The following FBN3 variants were observed in gnomAD, a reference collection of about 807,000 sequenced individuals.
FBN3 encodes the protein fibrillin 3, also known as fibrillin-3.
FBN3 carries 234 observed loss-of-function variants against 330.1 expected under a neutral mutation model. The ratio of observed to expected loss-of-function variants is 0.71; its 90% CI spans 0.64 to 0.79. FBN3 has a LOEUF of 0.79. Ranked by LOEUF, FBN3 falls within the 30% of genes least tolerant of loss-of-function variation. FBN3 has a pLI of 0.00. For synonymous variants in FBN3, 1,458 were observed against 1,517.3 expected (o/e 0.96, Z 0.91); for missense variants, 3,606 against 3,886.9 (o/e 0.93, Z 1.92).
intron 22 of FBN3, among the ~76,000 whole-genome samples, chr19:8,125,545 C>A (rs1817604912): frequency 6.6e-6 from 1 of 152,154 alleles, no homozygotes; most frequent in South Asian, 2.1e-4. Context: ...AATCCCAACA[C>A]TTTGGGAGGC....
chr19:8,073,068 C>T lies in FBN3; in HGVS notation c.7932G>A (p.Gly2644=). The change falls in exon 62 of 64, where the codon GGG becomes GGA. Residue 2644 remains glycine (G), a synonymous_variant. Transcript: ENST00000600128. ...CGCPQGYFRA[G]QGHCVSGLGF... is the part of the protein sequence containing the mutation. The stretch of plus-strand genomic sequence containing the variant: ...GCCCCACTCCAGCCTCTCACCCTTG[C>T]CCAGCCCGGAAGTAGCCTTGAGGAC... 6.2e-7 allele frequency: 1 copy of T among 1,606,556 alleles called. No individual in the cohort carries two copies. The highest frequency in any genetic ancestry group is 8.5e-7 in the Non-Finnish European group (1 of 1,175,336).
chr19:8,081,163 G>T, intron 58 of FBN3, 44 bp from the exon 59 acceptor site: 2 of 1,562,234 alleles, frequency 1.3e-6, no homozygotes, highest in South Asian at 1.1e-5. Context: ...GGGCCCAGTG[G>T]GGGATTAGGG....
chr19:8,139,174 C>T (rs766445421), intron 8 of FBN3, among the ~76,000 whole-genome samples: 4 of 151,624 alleles, frequency 2.6e-5, no homozygotes, highest in Non-Finnish European at 4.4e-5. Flanking sequence ...TGACGAAACC[C>T]AGTCTCTACT....
chr19:8,135,936 G>GGGGGGGGGGGGGGGGGGGGCGCCC, intron 13 of FBN3, 25 bp downstream of exon 13: 1 of 668,778 alleles, frequency 1.5e-6, no homozygotes. Flanking sequence ...GGAAGCCCCT[G>GGGGGGGGGGGGGGGGGGGGCGCCC]CCCACCCGCC....
chr19:8,090,491 T>G (rs1428760402), intron 48 of FBN3, among the ~76,000 whole-genome samples: 9 of 150,430 alleles, frequency 6.0e-5, no homozygotes, highest in Non-Finnish European at 8.9e-5. Flanking sequence ...GTGGTGGTTT[T>G]TTTTTTTTTT....
At chr19:8,099,507 C>T (rs539102459) in intron 41 of FBN3, among the ~76,000 whole-genome samples, 60 of 151,050 alleles carry the variant, frequency 4.0e-4, no homozygotes, top group Admixed American at 1.6e-3. Flanking sequence ...GTCTCGATCT[C>T]CTGACCTCGT....
At chr19:8,142,829 G>A (rs1341910573) in intron 6 of FBN3, among the ~76,000 whole-genome samples, 3 of 125,526 alleles carry the variant, frequency 2.4e-5, no homozygotes, top group African/African-American at 6.3e-5. Flanking sequence ...GATGCCCCAA[G>A]CCAAAACGTA....
intron 6 of FBN3, among the ~76,000 whole-genome samples, chr19:8,143,910 T>C (rs1056427005): frequency 1.3e-5 from 2 of 151,566 alleles, no homozygotes; most frequent in Non-Finnish European, 2.9e-5. Flanking sequence ...CTTGAACTCC[T>C]GGGCTCATGC....
rs1342685071 is a variant in FBN3 at position 8,129,929 on chromosome 19, ACT to A, written c.2045-566_2045-565del. ...TTTTTTTTTTTTGAGATAGGGTCTC[ACT>A]CTGTCGCACAGGCTGGAGTGCAGTG... On this transcript the variant is annotated intron_variant, in intron 16 of 63. Transcript: ENST00000600128. This position sits in a 1 kb window ranked among gnomAD's most constrained non-coding sequence, Gnocchi z 4.5. 6.6e-6 allele frequency among the ~76,000 whole-genome samples: 1 copy of A among 151,158 alleles called. No homozygotes were observed. Among genetic ancestry groups the A allele is most frequent in the East Asian group, 2.0e-4 (1 of 5,060 alleles).
In FBN3 at chr19:8,089,555, G is replaced by A. The variant is rs779789037; in HGVS notation, c.6366C>T (p.Ile2122=). ...PFGYSLDFTG[I]NCVDTDECSV... is the part of the protein sequence containing the mutation. ...GGGCTGGCCACTCACCCACACAGTT[G>A]ATGCCAGTGAAGTCCAGGCTGTAGC... is the stretch of plus-strand genomic sequence containing the variant. Residue 2122 remains isoleucine (I), a synonymous_variant, in exon 51 of 64, where the codon ATC becomes ATT. Transcript: ENST00000600128. The A allele has an allele frequency of 6.2e-7, 1 of 1,614,058 alleles. No individual in the cohort carries two copies. Among genetic ancestry groups the A allele is most frequent in the African/African-American group, 1.3e-5 (1 of 74,938 alleles).
At chr19:8,115,679 C>T in intron 29 of FBN3, 39 bp from the exon 30 acceptor site, 1 of 1,605,552 alleles carries the variant, frequency 6.2e-7, no homozygotes, top group Non-Finnish European at 8.5e-7. Context: ...GGACTGGGTG[C>T]AGGGGTGACA....
chr19:8,140,639 C>A lies in FBN3; in HGVS notation c.865+1078G>T, dbSNP rs149210967. ...TACTCAATCTTCATTGAGCTAGGTACTGCTATTATCTACCATTTTACAGAT... is the reference window on the plus strand; with the variant it reads ...TACTCAATCTTCATTGAGCTAGGTAATGCTATTATCTACCATTTTACAGAT... On this transcript the variant is annotated intron_variant, in intron 8 of 63. Coordinates refer to ENST00000600128, the MANE Select transcript of FBN3 (RefSeq NM_032447.5). Among the ~76,000 whole-genome samples, 582 of 152,210 alleles carry A rather than the reference C, an allele frequency of 3.8e-3. 2 individuals are homozygous for A. Among genetic ancestry groups the A allele is most frequent in the African/African-American group, 0.013 (558 of 41,534 alleles).
At chr19:8,108,407 G>C (rs1204681733) in intron 36 of FBN3, among the ~76,000 whole-genome samples, 169 bp from the exon 37 acceptor site, 1 of 152,120 alleles carries the variant, frequency 6.6e-6, no homozygotes, top group African/African-American at 2.4e-5. Flanking sequence ...AAGAGACTTT[G>C]GCCAGTCCTG....
intron 56 of FBN3, 146 bp downstream of exon 56, chr19:8,085,217 A>G (rs1363962667): frequency 7.5e-6 from 5 of 663,740 alleles, no homozygotes; most frequent in South Asian, 4.0e-5. Flanking sequence ...CTGCTAGCAC[A>G]AAGACACACA....
intron 40 of FBN3, 125 bp from the exon 41 acceptor site, chr19:8,101,097 T>G: frequency 1.6e-6 from 1 of 627,894 alleles, no homozygotes; most frequent in Non-Finnish European, 2.8e-6. Flanking sequence ...CTTTTTTTGC[T>G]CTCCCCACCC....
chr19:8,123,693 T>C, intron 23 of FBN3, 91 bp downstream of exon 23: 1 of 1,593,204 alleles, frequency 6.3e-7, no homozygotes, highest in Non-Finnish European at 8.6e-7. Flanking sequence ...ACATCCCCTT[T>C]TCCCCCAAAC....
chr19:8,071,035 A>C (rs1478931990), intron 63 of FBN3, among the ~76,000 whole-genome samples: 1 of 151,690 alleles, frequency 6.6e-6, no homozygotes, highest in Non-Finnish European at 1.5e-5. Context: ...AAAAAAAAAA[A>C]AAAAATAGTG....
chr19:8,086,056 A>ACAGGCAGTGGGAGGG lies in FBN3; in HGVS notation c.6880+143_6880+144insCCCTCCCACTGCCTG, dbSNP rs2081943318. 58 of 100,724 alleles carry ACAGGCAGTGGGAGGG rather than the reference A, an allele frequency of 5.8e-4. 1 individual carries two copies. Among genetic ancestry groups the ACAGGCAGTGGGAGGG allele is most frequent in the African/African-American group, 3.0e-3 (33 of 11,154 alleles). 6.2% of individuals were successfully genotyped at this position (100,724 alleles called of 1,614,324 possible). On this transcript the variant is annotated intron_variant, in intron 55 of 63. Transcript: ENST00000600128. ...AGTGGGAGGGACAGGCAGTGGGGGG[A>ACAGGCAGTGGGAGGG]ACAGGCAGTGGAGGGAACAGGCAGT...
intron 13 of FBN3, 26 bp downstream of exon 13, chr19:8,135,935 T>TTGGGGGGGGGGGGGGGGGGGGGGCGGG: frequency 1.5e-6 from 2 of 1,344,156 alleles, no homozygotes; most frequent in Non-Finnish European, 2.0e-6. Flanking sequence ...CGGAAGCCCC[T>TTGGGGGGGGGGGGGGGGGGGGGGCGGG]GCCCACCCGC....
Sources: gnomAD v4.1 joint callset for allele counts (sites outside exome capture counted in the v4.1 genomes callset) on GRCh38, gnomAD v4.1.1 for gene constraint, Gnocchi (gnomAD v3.1) non-coding constraint, MANE v1.5 for transcripts, NCBI Gene and HGNC (gene_info 2026-07-23, HGNC 2026-07-21) for gene names.